GPR107: variants seen among roughly 807,000 people sequenced by gnomAD.
GPR107 encodes the protein protein GPR107.
GPR107 carries 31 observed loss-of-function variants against 75.5 expected under a neutral mutation model. That is an observed-to-expected ratio of 0.41 (90% CI 0.31 to 0.55). The LOEUF (loss-of-function observed/expected upper bound fraction) is 0.55. Ranked by LOEUF, GPR107 falls within the 20% of genes least tolerant of loss-of-function variation. The probability of loss-of-function intolerance (pLI) is 0.26; values close to 1 mark genes in which losing one functional copy is unlikely to be tolerated. For missense variants in GPR107, 572 were observed against 665.7 expected (o/e 0.86, Z 1.55); for synonymous variants, 267 against 251.3 (o/e 1.06, Z -0.59).
At chr9:130,126,760 C>T (rs1026638752) in intron 15 of GPR107, among the ~76,000 whole-genome samples, 1 of 152,160 alleles carries the variant, frequency 6.6e-6, no homozygotes, top group Admixed American at 6.5e-5. Context: ...GCAGACACTC[C>T]ACTTGGGGTT....
chr9:130,065,976 C>T (rs1830059368), intron 1 of GPR107, among the ~76,000 whole-genome samples: 1 of 26,824 alleles, frequency 3.7e-5, no homozygotes, highest in African/African-American at 1.0e-4. Context: ...TTTATTCACT[C>T]CCCCCCAAAA....
At chr9:130,081,501 G>C (rs1005054706) in intron 5 of GPR107, among the ~76,000 whole-genome samples, 1 of 151,576 alleles carries the variant, frequency 6.6e-6, no homozygotes, top group Middle Eastern at 3.4e-3. Context: ...GTGAAACCCC[G>C]TCTCTACTAA....
chr9:130,069,838 A>G (rs1830156961), intron 1 of GPR107, among the ~76,000 whole-genome samples: 2 of 151,882 alleles, frequency 1.3e-5, no homozygotes, highest in African/African-American at 4.8e-5. Flanking sequence ...GGCATGCACC[A>G]CCACACCCGG....
intron 12 of GPR107, 67 bp from the exon 13 acceptor site, chr9:130,104,353 T>TCATAACAG (rs1831109057): frequency 6.7e-7 from 1 of 1,485,168 alleles, no homozygotes; most frequent in East Asian, 2.3e-5. Context: ...ACACCCCACA[T>TCATAACAG]TGGGGCTGCT....
At chr9:130,063,412 A>C (rs549186666) in intron 1 of GPR107, among the ~76,000 whole-genome samples, 4 of 152,172 alleles carry the variant, frequency 2.6e-5, no homozygotes, top group Non-Finnish European at 5.9e-5. Context: ...GGATGGTCTC[A>C]ATCTCCTGAC....
At chr9:130,097,842 A>G (rs1333872827) in intron 9 of GPR107, among the ~76,000 whole-genome samples, 2 of 151,018 alleles carry the variant, frequency 1.3e-5, no homozygotes, top group African/African-American at 2.4e-5. Context: ...GAATAGCTGA[A>G]ACTATAGGGA....
At position 130,084,405 on chromosome 9, in the gene GPR107, T is replaced by TA. The variant is rs11331231; in HGVS notation, c.564+818dup. ...AGAGTGAGACTATCTCAAAAAAAGT[T>TA]AAAAAAAAAAAAAAATCTACAGGGA... On this transcript the variant is annotated intron_variant, in intron 6 of 17. Transcript: ENST00000347136. Among the ~76,000 whole-genome samples, 161 of 136,696 alleles carry TA rather than the reference T, an allele frequency of 1.2e-3. 1 individual carries two copies. The highest frequency in any genetic ancestry group is 2.9e-3 in the Admixed American group (40 of 13,848). The allele number at this position is 136,696 out of a possible 152,430, so 89.7% of individuals were successfully genotyped here. A position where few individuals can be genotyped will look rare whatever the true frequency, so the allele number is the denominator to read the frequency against.
chr9:130,086,768 C>T (rs1025100754), intron 7 of GPR107, among the ~76,000 whole-genome samples: 1 of 152,050 alleles, frequency 6.6e-6, no homozygotes, highest in Non-Finnish European at 1.5e-5. Context: ...CCCCTTTGCC[C>T]CAATCCCATG....
At chr9:130,084,454 G>C (rs1409068510) in intron 6 of GPR107, among the ~76,000 whole-genome samples, 1 of 146,928 alleles carries the variant, frequency 6.8e-6, no homozygotes, top group Non-Finnish European at 1.5e-5. Flanking sequence ...TTGGGGGAGA[G>C]CATTGACATA....
intron 9 of GPR107, among the ~76,000 whole-genome samples, chr9:130,095,964 G>C (rs534249465): frequency 1.3e-5 from 2 of 152,280 alleles, no homozygotes; most frequent in South Asian, 4.1e-4. Context: ...GCCCAGAGAG[G>C]GGAAACGAGA....
chr9:130,119,593 C>G (rs2132640031), intron 14 of GPR107, among the ~76,000 whole-genome samples: 1 of 152,198 alleles, frequency 6.6e-6, no homozygotes, highest in Middle Eastern at 3.4e-3. Flanking sequence ...GGAATTTGAA[C>G]CCAGGATGTT....
At chr9:130,080,726 C>T (rs1830475116) in intron 5 of GPR107, among the ~76,000 whole-genome samples, 1 of 151,092 alleles carries the variant, frequency 6.6e-6, no homozygotes, top group Non-Finnish European at 1.5e-5. Flanking sequence ...CTCCCGACCT[C>T]GTGATCCGCC....
chr9:130,128,849 G>A, intron 17 of GPR107, 88 bp downstream of exon 17: 2 of 1,210,424 alleles, frequency 1.7e-6, no homozygotes, highest in Non-Finnish European at 2.4e-6. Context: ...GCTGCTCTCA[G>A]CATTTCGTGG....
intron 14 of GPR107, among the ~76,000 whole-genome samples, chr9:130,111,134 G>A (rs1831289358): frequency 6.6e-6 from 1 of 152,052 alleles, no homozygotes. Context: ...TGGCATTACA[G>A]GTGTGAGCCA....
chr9:130,100,958 A>C (rs1161397679), intron 11 of GPR107, 148 bp from the exon 12 acceptor site: 2 of 683,972 alleles, frequency 2.9e-6, no homozygotes, highest in Admixed American at 4.5e-5. Context: ...CCCTGAAGGA[A>C]GTGGTGCTCA....
Position 130,107,240 on chromosome 9 carries a change from T to C in GPR107, c.1263-256T>C, listed in dbSNP as rs533055354. On this transcript the variant is annotated intron_variant, in intron 13 of 17. Coordinates refer to ENST00000347136, the MANE Select transcript of GPR107 (RefSeq NM_020960.5). The stretch of plus-strand genomic sequence containing the variant: ...AACAGGAGCATTAAATGATGGAGTT[T>C]TGTTTTCTCCTCACGCTCTGGTCCC... Among the ~76,000 whole-genome samples the C allele has an allele frequency of 3.3e-5, 5 of 152,170 alleles. No individual in the cohort carries two copies. The South Asian group carries it at 1.0e-3, about 32-fold the overall frequency.
intron 5 of GPR107, among the ~76,000 whole-genome samples, chr9:130,081,746 T>C (rs1830497599): frequency 6.7e-6 from 1 of 149,892 alleles, no homozygotes; most frequent in Non-Finnish European, 1.5e-5. Context: ...GTCCCAACTG[T>C]TGGGGAGGCT....
chr9:130,065,647 G>A (rs1172053802), intron 1 of GPR107, among the ~76,000 whole-genome samples: 2 of 145,440 alleles, frequency 1.4e-5, no homozygotes, highest in African/African-American at 5.1e-5. Context: ...GGTGTCTCTA[G>A]TCCCAGCTAC....
chr9:130,090,810 A>G (rs1018620042), intron 7 of GPR107, 66 bp from the exon 8 acceptor site: 1 of 618,036 alleles, frequency 1.6e-6, no homozygotes, highest in Non-Finnish European at 2.8e-6. Flanking sequence ...AAAAGAAAAA[A>G]TAAAAGAAAA....
Sources: gnomAD v4.1 joint callset for allele counts (sites outside exome capture counted in the v4.1 genomes callset) on GRCh38, gnomAD v4.1.1 for gene constraint, MANE v1.5 for transcripts, NCBI Gene and HGNC (gene_info 2026-07-23, HGNC 2026-07-21) for gene names.